Variants in ZNF841 observed in about 807,000 individuals in gnomAD.
ZNF841 encodes the protein TCONS_00006091.
ZNF841 carries 11 observed loss-of-function variants against 13.0 expected under a neutral mutation model. That is an observed-to-expected ratio of 0.85 (90% CI 0.53 to 1.40). The LOEUF (loss-of-function observed/expected upper bound fraction) is 1.40, where lower values mean the gene tolerates loss of function less well. Among genes scored for constraint, ZNF841 ranks in the 40% most tolerant of loss-of-function variants. The pLI, the probability that ZNF841 is intolerant of heterozygous loss-of-function variation, is 0.00. For synonymous variants in ZNF841, 369 were observed against 381.6 expected, an observed-to-expected ratio of 0.97 and a Z score of 0.38; for missense variants, 1,068 against 1,139.5, an observed-to-expected ratio of 0.94 and a Z score of 0.90.
At chr19:52,067,746 G>T in intron 6 of ZNF841, 136 bp from the exon 7 acceptor site, 1 of 544,486 alleles carries the variant, frequency 1.8e-6, no homozygotes, top group Non-Finnish European at 2.8e-6. Flanking sequence ...TCTTCTATTT[G>T]TAGAAATGCA....
Position 52,067,610 on chromosome 19 carries a change from C to T in ZNF841, c.272G>A (p.Gly91Asp). ...CGECMKGVIT[G>D]ISPKCVIKEL... is the part of the protein sequence containing the mutation. ...CTTGATCACACATTTAGGAGAGATA[C>T]CTGCAAAATATAATGAACATGGGGT... Residue 91 changes from glycine (G) to aspartate (D), a missense_variant and splice_region_variant, in exon 7 of 7, where the codon GGT becomes GAT. Physicochemically the swap from Gly to Asp is moderately conservative, Grantham distance 94. Transcript: ENST00000594440. 2.0e-6 allele frequency: 3 copies of T among 1,486,450 alleles called. No individual in the cohort carries two copies. The highest frequency in any genetic ancestry group is 2.7e-6 in the Non-Finnish European group (3 of 1,120,198). 92.1% of individuals were successfully genotyped at this position (1,486,450 alleles called of 1,614,324 possible).
At chr19:52,075,051 C>G (rs940285603) in intron 6 of ZNF841, among the ~76,000 whole-genome samples, 1 of 152,170 alleles carries the variant, frequency 6.6e-6, no homozygotes, top group Admixed American at 6.5e-5. Context: ...TCAAAGTGCT[C>G]TCCTTCAAAA....
At chr19:52,068,802 C>G (rs908335273) in intron 6 of ZNF841, among the ~76,000 whole-genome samples, 1 of 152,052 alleles carries the variant, frequency 6.6e-6, no homozygotes, top group Non-Finnish European at 1.5e-5. Context: ...GAAACCTCAT[C>G]TCTACTAAAA....
At chr19:52,063,097 G>A (rs1394393869), downstream of ZNF841, among the ~76,000 whole-genome samples, 2 of 152,000 alleles carry the variant, frequency 1.3e-5, no homozygotes, top group Non-Finnish European at 1.5e-5. Context: ...GGATGGTCTC[G>A]ATTTCCTGAC....
chr19:52,071,376 T>C (rs1298769192), intron 6 of ZNF841, among the ~76,000 whole-genome samples: 6 of 152,100 alleles, frequency 3.9e-5, no homozygotes, highest in African/African-American at 1.2e-4. Flanking sequence ...ATGAATTCAT[T>C]TTGTACACAC....
the ZNF841 span, among the ~76,000 whole-genome samples, chr19:52,059,362 A>T: frequency 9.7e-6 from 1 of 102,690 alleles, no homozygotes; most frequent in African/African-American, 4.4e-5. Context: ...AAAAAAAAAA[A>T]AAAAAAAAAT....
intron 4 of ZNF841, among the ~76,000 whole-genome samples, chr19:52,079,762 C>T (rs144379185): frequency 3.3e-5 from 5 of 151,914 alleles, no homozygotes; most frequent in Admixed American, 1.3e-4. Flanking sequence ...GAGGCCAAGG[C>T]GGGAGGATCA....
At chr19:52,082,639 C>T (rs1487725294) in intron 4 of ZNF841, among the ~76,000 whole-genome samples, 7 of 152,160 alleles carry the variant, frequency 4.6e-5, no homozygotes, top group Admixed American at 4.6e-4. Flanking sequence ...AACCCTCAGA[C>T]ACTTGTGGTG....
downstream of ZNF841, chr19:52,064,376 A>AC (rs2087468628): frequency 6.9e-6 from 1 of 145,534 alleles, no homozygotes; most frequent in African/African-American, 2.7e-5. Context: ...AAAAAAAAAA[A>AC]AAAAAAAAAA....
At position 52,087,841 on chromosome 19, in the gene ZNF841, C is replaced by T. The variant is rs146299486; in HGVS notation, c.-78+1096G>A. ...TCTCTACTAAAAATACAAAAATTAG[C>T]TGGGCACGGTGGTCCATGCCTGTAA... is the stretch of plus-strand genomic sequence containing the variant. On this transcript the variant is annotated intron_variant, in intron 3 of 6. Coordinates refer to ENST00000594440, the MANE Select transcript of ZNF841 (RefSeq NM_001136499.2). Among the ~76,000 whole-genome samples, 273 of 152,036 alleles carry T rather than the reference C, an allele frequency of 1.8e-3. 1 individual carries two copies. Among genetic ancestry groups the T allele is most frequent in the African/African-American group, 6.3e-3 (261 of 41,452 alleles).
the ZNF841 span, among the ~76,000 whole-genome samples, chr19:52,059,370 A>AAAAAAAAATAT: frequency 7.2e-5 from 5 of 69,648 alleles, no homozygotes; most frequent in African/African-American, 4.1e-4. Flanking sequence ...AAAAAAAAAA[A>AAAAAAAAATAT]ATATATATAT....
At chr19:52,069,653 T>C (rs1481511973) in intron 6 of ZNF841, among the ~76,000 whole-genome samples, 1 of 152,152 alleles carries the variant, frequency 6.6e-6, no homozygotes, top group East Asian at 1.9e-4. Flanking sequence ...GGAATGCAAT[T>C]AGCAGAAACG....
At chr19:52,091,976 C>G (rs2088510885) in intron 2 of ZNF841, among the ~76,000 whole-genome samples, 1 of 152,088 alleles carries the variant, frequency 6.6e-6, no homozygotes, top group South Asian at 2.1e-4. Flanking sequence ...ATGGTGAGAC[C>G]CTGTCTCTAC....
Position 52,065,546 on chromosome 19 carries a change from C to T in ZNF841, c.2336G>A (p.Gly779Asp). 6.2e-7 allele frequency: 1 copy of T among 1,613,878 alleles called. No homozygotes were observed. Among genetic ancestry groups the T allele is most frequent in the Non-Finnish European group, 8.5e-7 (1 of 1,179,934 alleles). The change falls in exon 7 of 7, where the codon GGC becomes GAC. Residue 779 changes from glycine to aspartate, a missense_variant. Transcript: ENST00000594440. ...ECGKVFRYRSGLARHWSIHTG... is the reference protein window; with the variant it reads ...ECGKVFRYRSDLARHWSIHTG... ...ATGAATACTCCAATGACGTGCGAGG[C>T]CTGAGCGATAACGGAAGACCTTGCC...
intron 2 of ZNF841, among the ~76,000 whole-genome samples, chr19:52,091,107 T>A (rs546007414): frequency 1.3e-5 from 2 of 152,304 alleles, no homozygotes; most frequent in East Asian, 3.9e-4. Context: ...TACTCTTTTG[T>A]CTTTGTCTTT....
intron 3 of ZNF841, among the ~76,000 whole-genome samples, chr19:52,085,875 CT>C (rs1401251552): frequency 1.3e-5 from 2 of 152,214 alleles, no homozygotes; most frequent in African/African-American, 4.8e-5. Context: ...TTTCCTCACC[CT>C]TTTTAAGTAA....
intron 3 of ZNF841, among the ~76,000 whole-genome samples, chr19:52,086,589 C>G (rs534501067): frequency 3.9e-5 from 6 of 152,112 alleles, no homozygotes; most frequent in Admixed American, 6.5e-5. Flanking sequence ...TGGACTAATA[C>G]AGTGGGGTTT....
chr19:52,072,000 TG>T (rs2087751196), intron 6 of ZNF841, among the ~76,000 whole-genome samples: 1 of 152,118 alleles, frequency 6.6e-6, no homozygotes, highest in African/African-American at 2.4e-5. Flanking sequence ...ACTGAAGGGA[TG>T]AAAAAAGATA....
rs2123201838 is a variant in ZNF841, at chr19:52,065,405, C to A, written c.2477G>T (p.Cys826Phe). 1.2e-6 allele frequency: 2 copies of A among 1,611,910 alleles called. No individual in the cohort carries two copies. Among genetic ancestry groups the A allele is most frequent in the South Asian group, 2.2e-5 (2 of 90,912 alleles). ...TGACCTTTCGATAAAAGCTTTACCA[C>A]ATTCATTACATTTATAAGGTTTCTC... ...TGEKPYKCNE[C>F]GKAFIERSNL... is the part of the protein sequence containing the mutation. Residue 826 changes from cysteine (C) to phenylalanine (F), a missense_variant, in exon 7 of 7, where the codon TGT becomes TTT. Physicochemically the swap from Cys to Phe is radical, Grantham distance 205. Coordinates refer to ENST00000594440, the MANE Select transcript of ZNF841 (RefSeq NM_001136499.2).
Sources: gnomAD v4.1 joint callset for allele counts (sites outside exome capture counted in the v4.1 genomes callset) on GRCh38, gnomAD v4.1.1 for gene constraint, MANE v1.5 for transcripts, NCBI Gene and HGNC (gene_info 2026-07-23, HGNC 2026-07-21) for gene names.